The following MYO16 variants were observed in gnomAD, a reference collection of about 807,000 sequenced individuals.
MYO16 encodes myosin XVI.
A neutral mutation model predicts 205.3 loss-of-function variants in MYO16; 94 were observed. That is an observed-to-expected ratio of 0.46 (90% CI 0.39 to 0.54). The LOEUF (loss-of-function observed/expected upper bound fraction) is 0.54. MYO16 is among the 20% of genes least tolerant of loss of function. MYO16 has a pLI of 0.00. For synonymous variants in MYO16, 988 were observed against 954.0 expected (o/e 1.04, Z -0.66); for missense variants, 2,315 against 2,387.5 (o/e 0.97, Z 0.63).
At chr13:108,890,161 C>T (rs957657847) in intron 14 of MYO16, among the ~76,000 whole-genome samples, 2 of 124,354 alleles carry the variant, frequency 1.6e-5, no homozygotes, top group Non-Finnish European at 3.1e-5. Flanking sequence ...CCAAGCTGGT[C>T]TCGAACTCCT....
chr13:109,139,329 T>A (rs1364924947), intron 31 of MYO16, among the ~76,000 whole-genome samples: 2 of 152,190 alleles, frequency 1.3e-5, no homozygotes, highest in East Asian at 3.8e-4. Context: ...TATTAATAGT[T>A]AATTGGCCAG....
intron 1 of MYO16, among the ~76,000 whole-genome samples, chr13:108,621,200 G>A (rs1447058585): frequency 6.6e-6 from 1 of 152,068 alleles, no homozygotes; most frequent in African/African-American, 2.4e-5. Context: ...TGTAGTCTCT[G>A]TAATTCTGTT....
At chr13:108,691,045 ACAGCAAGAG>A (rs1432278383) in intron 2 of MYO16, among the ~76,000 whole-genome samples, 1 of 152,194 alleles carries the variant, frequency 6.6e-6, no homozygotes, top group Non-Finnish European at 1.5e-5. Context: ...TAATTTTAAC[ACAGCAAGAG>A]ATTAACAAAT....
chr13:108,508,141 A>C, the MYO16 span, among the ~76,000 whole-genome samples: 1 of 151,254 alleles, frequency 6.6e-6, no homozygotes, highest in East Asian at 1.9e-4. Flanking sequence ...TAATTCATAG[A>C]TCTCGACTTC....
intron 16 of MYO16, among the ~76,000 whole-genome samples, chr13:108,954,964 C>T (rs555522297): frequency 2.6e-5 from 4 of 152,280 alleles, no homozygotes; most frequent in South Asian, 2.1e-4. Context: ...CACCTGGGCA[C>T]GGCATCCTGC....
intron 6 of MYO16, among the ~76,000 whole-genome samples, chr13:108,796,399 C>T (rs1886789717): frequency 6.6e-6 from 1 of 152,142 alleles, no homozygotes; most frequent in Admixed American, 6.5e-5. Flanking sequence ...CCATTTGACC[C>T]AGTCATCCCA....
At chr13:108,535,177 A>C in the MYO16 span, among the ~76,000 whole-genome samples, 2 of 151,688 alleles carry the variant, frequency 1.3e-5, no homozygotes, top group Non-Finnish European at 2.9e-5. Context: ...TTTTTTTAGC[A>C]AAGAGGAAAC....
chr13:108,927,411 G>A (rs1276424206), intron 16 of MYO16, among the ~76,000 whole-genome samples: 2 of 152,000 alleles, frequency 1.3e-5, no homozygotes, highest in Admixed American at 6.5e-5. Context: ...ATGGGCCTGG[G>A]GCATGAGCCA....
the MYO16 span, among the ~76,000 whole-genome samples, chr13:108,573,331 G>A: frequency 6.6e-6 from 1 of 152,022 alleles, no homozygotes; most frequent in African/African-American, 2.4e-5. Flanking sequence ...GTAAATATAG[G>A]TTACTTTAGA....
chr13:108,928,013 A>G (rs1267070720), intron 16 of MYO16, among the ~76,000 whole-genome samples: 2 of 152,258 alleles, frequency 1.3e-5, no homozygotes, highest in Non-Finnish European at 2.9e-5. Context: ...TAAGGTTTCT[A>G]GAACCTTCTA....
chr13:108,777,056 C>A (rs1424097661), intron 4 of MYO16, among the ~76,000 whole-genome samples: 1 of 152,088 alleles, frequency 6.6e-6, no homozygotes, highest in Non-Finnish European at 1.5e-5. Context: ...TGCCATGAGT[C>A]TCCTGCATGC....
At chr13:108,737,849 C>G (rs977604755) in intron 4 of MYO16, among the ~76,000 whole-genome samples, 1 of 152,122 alleles carries the variant, frequency 6.6e-6, no homozygotes, top group Non-Finnish European at 1.5e-5. Context: ...TCAACTTCTT[C>G]CTGGTTTAGT....
intron 1 of MYO16, among the ~76,000 whole-genome samples, chr13:108,615,129 A>C (rs1181587504): frequency 6.6e-6 from 1 of 152,096 alleles, no homozygotes; most frequent in African/African-American, 2.4e-5. Context: ...CAACCCAATA[A>C]TAAAGGGTAA....
At chr13:108,842,864 A>G (rs761291773) in intron 9 of MYO16, among the ~76,000 whole-genome samples, 3 of 152,208 alleles carry the variant, frequency 2.0e-5, no homozygotes, top group Non-Finnish European at 4.4e-5. Context: ...AGGCCCACGA[A>G]CAGATGAAAG....
intron 32 of MYO16, among the ~76,000 whole-genome samples, chr13:109,163,399 G>T (rs867739825): frequency 1.3e-5 from 2 of 152,156 alleles, no homozygotes; most frequent in Non-Finnish European, 2.9e-5. Context: ...TAGGAGTTAA[G>T]AGGGACCAAG....
At position 109,127,732 on chromosome 13, in the gene MYO16, C is replaced by A; in HGVS notation, c.4051+182C>A. ...ATAATATTTATTCAAATCTCTAAGC[C>A]TCTTAGGGAAAAGCTACTTACATGG... On this transcript the variant is annotated intron_variant, in intron 31 of 34. Transcript: ENST00000457511. The surrounding 1 kb of genome is among the most constrained non-coding windows in gnomAD (Gnocchi z 4.2). 1 of 623,410 alleles carries A rather than the reference C, an allele frequency of 1.6e-6. No homozygotes were observed. The allele number at this position is 623,410 out of a possible 1,614,324, so 38.6% of individuals were successfully genotyped here.
At position 109,181,816 on chromosome 13, in the gene MYO16, A is replaced by T. The variant is rs1382789683; in HGVS notation, c.5415+2183A>T. On this transcript the variant is annotated intron_variant, in intron 34 of 34. Transcript: ENST00000457511. ...TTTCATAAAATTTATTTATTTATTT[A>T]TTTTATTTTATTTTTTTTTTTGAGA... 5.3e-4 allele frequency among the ~76,000 whole-genome samples: 67 copies of T among 126,362 alleles called. 1 individual carries two copies. Among genetic ancestry groups the T allele is most frequent in the African/African-American group, 1.6e-3 (45 of 28,938 alleles). The allele number at this position is 126,362 out of a possible 152,430, so 82.9% of individuals were successfully genotyped here.
In MYO16 at chr13:109,161,456, A is replaced by G. The variant is rs541882077; in HGVS notation, c.5165-3445A>G. Among the ~76,000 whole-genome samples, 41 of 152,326 alleles carry G rather than the reference A, an allele frequency of 2.7e-4. No homozygotes were observed. The South Asian group carries it at 7.9e-3, about 29-fold the overall frequency. ...CAGAGATTAACTTCCCCAAGCCTCA[A>G]TGATCTCATCTCGAAAATAGGTGTA... On this transcript the variant is annotated intron_variant, in intron 32 of 34. Transcript: ENST00000457511.
At chr13:109,206,234 T>G (rs1880592850) in intron 34 of MYO16, among the ~76,000 whole-genome samples, 1 of 152,166 alleles carries the variant, frequency 6.6e-6, no homozygotes, top group Non-Finnish European at 1.5e-5. Context: ...GGAAGCTCTG[T>G]TAATAGGAGA....
Sources: allele counts gnomAD v4.1 joint callset (sites outside exome capture counted in the v4.1 genomes callset), GRCh38; gene constraint gnomAD v4.1.1; non-coding constraint Gnocchi (gnomAD v3.1); transcripts MANE v1.5; gene names NCBI Gene and HGNC (gene_info 2026-07-23, HGNC 2026-07-21).